ADAMTS19: variants seen among roughly 807,000 people sequenced by gnomAD.
ADAMTS19 encodes the protein ADAM metallopeptidase with thrombospondin type 1 motif 19.
In ADAMTS19, 93 loss-of-function variants were observed where a neutral mutation model predicts 153.3. The observed-to-expected ratio is 0.61, with a 90% CI of 0.51 to 0.72. The LOEUF is 0.72. Among genes scored for constraint, ADAMTS19 ranks in the 30% least tolerant of loss-of-function variants. The probability of loss-of-function intolerance (pLI) is 0.00; values close to 1 mark genes in which losing one functional copy is unlikely to be tolerated. For synonymous variants in ADAMTS19, 600 were observed against 556.6 expected (o/e 1.08, Z -1.10); for missense variants, 1,482 against 1,552.1 (o/e 0.95, Z 0.76).
chr5:129,655,243 G>A (rs1369109759), intron 14 of ADAMTS19, among the ~76,000 whole-genome samples: 1 of 152,182 alleles, frequency 6.6e-6, no homozygotes, highest in Non-Finnish European at 1.5e-5. Flanking sequence ...GCTTAAACTG[G>A]CATGGGGCTT....
At position 129,539,283 on chromosome 5, in the gene ADAMTS19, G is replaced by A. The variant is rs148330303; in HGVS notation, c.1328+10606G>A. Among the ~76,000 whole-genome samples, 464 of 152,134 alleles carry A rather than the reference G, an allele frequency of 3.0e-3. 4 individuals carry two copies. The highest frequency in any genetic ancestry group is 0.023 in the Admixed American group (344 of 15,252). ...ACAAGAGTCCTAAAATAAGGAAGAG[G>A]GAGGCAGAAGTTCAAAGTCAGAGAA... On this transcript the variant is annotated intron_variant, in intron 6 of 22. Transcript: ENST00000274487.
At chr5:129,490,917 C>T (rs1344063940) in intron 2 of ADAMTS19, among the ~76,000 whole-genome samples, 3 of 151,900 alleles carry the variant, frequency 2.0e-5, no homozygotes, top group South Asian at 2.1e-4. Flanking sequence ...CGTTCTCTTT[C>T]GCATTTGTGC....
intron 10 of ADAMTS19, among the ~76,000 whole-genome samples, chr5:129,628,319 G>A (rs1752145281): frequency 6.6e-6 from 1 of 152,026 alleles, no homozygotes; most frequent in Non-Finnish European, 1.5e-5. Context: ...AGGGTGGGAG[G>A]AGGGAGAGGA....
chr5:129,464,263 G>C (rs1250474577), intron 2 of ADAMTS19, among the ~76,000 whole-genome samples: 2 of 152,178 alleles, frequency 1.3e-5, no homozygotes, highest in African/African-American at 4.8e-5. Context: ...TTTTCTAACT[G>C]AATAGTCATA....
rs1393395000 is a variant in ADAMTS19, at chr5:129,461,192, G to A, written c.182G>A (p.Gly61Glu). Reference protein sequence around the residue: ...REPVDPAGGSGGSADPGWVRG... With the variant: ...REPVDPAGGSEGSADPGWVRG... The stretch of plus-strand genomic sequence containing the variant: ...CCGGTGGACCCGGCTGGCGGCAGCG[G>A]GGGCAGCGCGGACCCGGGCTGGGTG... Residue 61 changes from glycine (G) to glutamate (E), a missense_variant, in exon 2 of 23, where the codon GGG becomes GAG. Physicochemically the swap from Gly to Glu is moderately conservative, Grantham distance 98. Coordinates refer to ENST00000274487, the MANE Select transcript of ADAMTS19 (RefSeq NM_133638.6). This position sits in a 1 kb window ranked among gnomAD's most constrained non-coding sequence, Gnocchi z 4.6. 2 of 1,343,978 alleles carry A rather than the reference G, an allele frequency of 1.5e-6. No homozygotes were observed. The highest frequency in any genetic ancestry group is 1.9e-6 in the Non-Finnish European group (2 of 1,048,034). The allele number at this position is 1,343,978 out of a possible 1,614,324, so 83.3% of individuals were successfully genotyped here.
At chr5:129,716,524 C>T (rs762949963) in intron 21 of ADAMTS19, among the ~76,000 whole-genome samples, 28 of 151,832 alleles carry the variant, frequency 1.8e-4, no homozygotes, top group Non-Finnish European at 2.9e-4. Flanking sequence ...CATATTTAAC[C>T]CAAAATTCCT....
At chr5:129,669,620 A>T (rs1754207988) in intron 16 of ADAMTS19, among the ~76,000 whole-genome samples, 1 of 151,726 alleles carries the variant, frequency 6.6e-6, no homozygotes, top group South Asian at 2.1e-4. Flanking sequence ...CTTATCTCTA[A>T]TCTAATCTTA....
At chr5:129,531,034 A>ATAT (rs1296728135) in intron 6 of ADAMTS19, among the ~76,000 whole-genome samples, 1 of 152,160 alleles carries the variant, frequency 6.6e-6, no homozygotes, top group Non-Finnish European at 1.5e-5. Context: ...AAAAAAACTT[A>ATAT]TAGTGACTTC....
rs551281246 is a variant in ADAMTS19, at chr5:129,537,790, G to C, written c.1328+9113G>C. 2.8e-4 allele frequency among the ~76,000 whole-genome samples: 43 copies of C among 152,014 alleles called. No individual in the cohort carries two copies. In the South Asian group the frequency reaches 3.3e-3, roughly 12 times the overall value. On this transcript the variant is annotated intron_variant, in intron 6 of 22. Transcript: ENST00000274487. The stretch of plus-strand genomic sequence containing the variant: ...GGGGCCTGTTGTGGGATGGGGGAAG[G>C]GGGGAGGGATAGCATTAGGAGATAT...
intron 8 of ADAMTS19, among the ~76,000 whole-genome samples, chr5:129,608,362 C>T (rs1335462658): frequency 2.0e-5 from 3 of 151,472 alleles, no homozygotes; most frequent in Admixed American, 6.6e-5. Context: ...TGGGGAGATA[C>T]TGGTCAAAGG....
At chr5:129,694,153 C>T (rs892012699) in intron 18 of ADAMTS19, among the ~76,000 whole-genome samples, 1 of 152,092 alleles carries the variant, frequency 6.6e-6, no homozygotes, top group Non-Finnish European at 1.5e-5. Flanking sequence ...TTTATGTTGC[C>T]ATGATCACTT....
intron 2 of ADAMTS19, among the ~76,000 whole-genome samples, chr5:129,507,293 TTTA>T (rs1222587746): frequency 6.6e-6 from 1 of 152,078 alleles, no homozygotes; most frequent in Non-Finnish European, 1.5e-5. Flanking sequence ...AACATATTTC[TTTA>T]TTTTTAGCCT....
At chr5:129,596,359 G>A (rs1750376489) in intron 7 of ADAMTS19, among the ~76,000 whole-genome samples, 200 bp from the exon 8 acceptor site, 2 of 151,958 alleles carry the variant, frequency 1.3e-5, no homozygotes. Context: ...ATATGAAAAT[G>A]AAAATGATAT....
chr5:129,735,516 T>C (rs189624757), intron 22 of ADAMTS19, among the ~76,000 whole-genome samples: 20 of 152,098 alleles, frequency 1.3e-4, no homozygotes, highest in African/African-American at 3.9e-4. Context: ...TAAATTATTC[T>C]TTGGAGGGAC....
intron 11 of ADAMTS19, among the ~76,000 whole-genome samples, chr5:129,643,244 C>A (rs1752886347): frequency 6.6e-6 from 1 of 151,562 alleles, no homozygotes. Context: ...TGTCTGTAAT[C>A]CCAGCTACCC....
intron 6 of ADAMTS19, among the ~76,000 whole-genome samples, chr5:129,534,752 T>G: frequency 6.6e-6 from 1 of 152,152 alleles, no homozygotes; most frequent in Non-Finnish European, 1.5e-5. Context: ...ATCCCTGAGA[T>G]GCAAGGCTTG....
intron 8 of ADAMTS19, among the ~76,000 whole-genome samples, chr5:129,601,562 G>T (rs910299784): frequency 4.6e-5 from 7 of 152,098 alleles, no homozygotes; most frequent in African/African-American, 1.7e-4. Context: ...TCAGCAAAGT[G>T]GTTTTGCTCA....
At chr5:129,728,781 A>C (rs996757609) in intron 21 of ADAMTS19, among the ~76,000 whole-genome samples, 2 of 152,196 alleles carry the variant, frequency 1.3e-5, no homozygotes, top group East Asian at 3.8e-4. Flanking sequence ...TACCAGATCC[A>C]TAGTAAATAA....
intron 3 of ADAMTS19, among the ~76,000 whole-genome samples, chr5:129,525,547 C>A (rs567735868): frequency 6.6e-6 from 1 of 152,050 alleles, no homozygotes; most frequent in South Asian, 2.1e-4. Flanking sequence ...AGTATTGCAA[C>A]TATCTTCTGT....
Sources: gnomAD v4.1 joint callset for allele counts (sites outside exome capture counted in the v4.1 genomes callset) on GRCh38, gnomAD v4.1.1 for gene constraint, Gnocchi (gnomAD v3.1) non-coding constraint, MANE v1.5 for transcripts, NCBI Gene and HGNC (gene_info 2026-07-23, HGNC 2026-07-21) for gene names.